Variants in TYW1 observed in about 807,000 individuals in gnomAD.
TYW1 encodes S-adenosyl-L-methionine-dependent tRNA 4-demethylwyosine synthase TYW1.
Under a neutral mutation model 96.2 loss-of-function variants are expected in TYW1, and 46 were observed. That is an observed-to-expected ratio of 0.48 (90% CI 0.38 to 0.61). TYW1 has a LOEUF of 0.61. Ranked by LOEUF, TYW1 falls within the 20% of genes least tolerant of loss-of-function variation. The pLI is 0.00. For missense variants in TYW1, 684 were observed against 909.6 expected (o/e 0.75, Z 3.19); for synonymous variants, 274 against 323.0 (o/e 0.85, Z 1.63).
intron 13 of TYW1, among the ~76,000 whole-genome samples, chr7:67,182,122 C>G (rs1799860978): frequency 1.3e-5 from 2 of 152,340 alleles, no homozygotes; most frequent in East Asian, 3.9e-4. Flanking sequence ...AGCCACCACA[C>G]CCGGCCTTAA....
At chr7:67,211,249 G>T (rs1180946771) in intron 15 of TYW1, among the ~76,000 whole-genome samples, 1 of 148,560 alleles carries the variant, frequency 6.7e-6, no homozygotes, top group Non-Finnish European at 1.5e-5. Flanking sequence ...ACACACAGAT[G>T]GTCCCAACTT....
chr7:67,126,368 A>G (rs889444274), intron 13 of TYW1, among the ~76,000 whole-genome samples: 5 of 151,816 alleles, frequency 3.3e-5, no homozygotes, highest in Admixed American at 2.0e-4. Flanking sequence ...AGTTCTTTGT[A>G]TATTTTGGAG....
chr7:67,103,520 T>C (rs1244415073), intron 12 of TYW1, among the ~76,000 whole-genome samples: 1 of 152,230 alleles, frequency 6.6e-6, no homozygotes, highest in Middle Eastern at 3.2e-3. Flanking sequence ...CCTTTACTTT[T>C]AAACTAATAC....
At chr7:67,227,696 T>C (rs11762301) in intron 15 of TYW1, among the ~76,000 whole-genome samples, 39,986 of 150,932 alleles carry the variant, frequency 0.26, 5,649 homozygotes, top group African/African-American at 0.36. Context: ...GTGACTGAGC[T>C]GCAGTAAAAT....
intron 12 of TYW1, among the ~76,000 whole-genome samples, chr7:67,102,971 T>A (rs1797134572): frequency 6.6e-6 from 1 of 152,216 alleles, no homozygotes; most frequent in African/African-American, 2.4e-5. Context: ...TTTTAAAGCA[T>A]CCTTGAAGCT....
chr7:67,102,115 C>G (rs1291334645), intron 12 of TYW1, among the ~76,000 whole-genome samples: 2 of 151,898 alleles, frequency 1.3e-5, no homozygotes, highest in African/African-American at 2.4e-5. Flanking sequence ...GCATATATCC[C>G]CCAAAAGAAT....
intron 7 of TYW1, among the ~76,000 whole-genome samples, chr7:67,045,229 G>C (rs1795150317): frequency 1.3e-5 from 2 of 151,658 alleles, no homozygotes; most frequent in South Asian, 4.2e-4. Flanking sequence ...TTTATTTTTA[G>C]AGACAGGGTC....
In TYW1 at chr7:67,025,004, T is replaced by A; in HGVS notation, c.966T>A (p.Asp322Glu). Residue 322 changes from aspartate (D) to glutamate (E), a missense_variant, in exon 7 of 16, where the codon GAT becomes GAA. Coordinates refer to ENST00000359626, the MANE Select transcript of TYW1 (RefSeq NM_018264.4). The part of the protein sequence containing the change: ...VDVEDLGKIM[D>E]HVKKEKREKE... Reference sequence around the variant, plus strand: ...TTGAAGATTTGGGCAAAATTATGGATCATGTGAAGAAAGAAAAGGTACCGT... The same window carrying A: ...TTGAAGATTTGGGCAAAATTATGGAACATGTGAAGAAAGAAAAGGTACCGT... The A allele has an allele frequency of 6.2e-7, 1 of 1,613,794 alleles. No homozygotes were observed. The highest frequency in any genetic ancestry group is 8.5e-7 in the Non-Finnish European group (1 of 1,179,816).
intron 1 of TYW1, among the ~76,000 whole-genome samples, chr7:66,997,235 A>G (rs2129234338): frequency 6.6e-6 from 1 of 152,208 alleles, no homozygotes; most frequent in African/African-American, 2.4e-5. Flanking sequence ...GGACTTTTGC[A>G]CCTGTAAAGC....
chr7:67,223,619 G>A (rs1801466736), intron 15 of TYW1, among the ~76,000 whole-genome samples: 1 of 150,292 alleles, frequency 6.7e-6, no homozygotes. Context: ...GAGGGGCTTG[G>A]CACCCTGACT....
chr7:67,002,222 A>C (rs746833344), intron 3 of TYW1, among the ~76,000 whole-genome samples: 7 of 151,484 alleles, frequency 4.6e-5, no homozygotes, highest in African/African-American at 1.7e-4. Flanking sequence ...TAATTAAAAA[A>C]ATTTTTTTTG....
Position 67,127,182 on chromosome 7 carries a change from C to T in TYW1, c.1698+9564C>T, listed in dbSNP as rs112372106. Among the ~76,000 whole-genome samples, 37 of 140,464 alleles carry T rather than the reference C, an allele frequency of 2.6e-4. No individual in the cohort carries two copies. The East Asian group carries it at 6.9e-3, about 26-fold the overall frequency. The allele number at this position is 140,464 out of a possible 152,430, so 92.1% of individuals were successfully genotyped here. On this transcript the variant is annotated intron_variant, in intron 13 of 15. Transcript: ENST00000359626. ...ATCTTTTTTTTTTTTTTTTCGAGAT[C>T]GAGTCTCACTCTGTCATCCAGGCTG...
chr7:67,159,541 G>A (rs1406858512), intron 13 of TYW1, among the ~76,000 whole-genome samples: 1 of 152,040 alleles, frequency 6.6e-6, no homozygotes, highest in Non-Finnish European at 1.5e-5. Context: ...TATAAAAAGT[G>A]TACAGCTGAC....
At chr7:67,222,909 A>C in intron 15 of TYW1, among the ~76,000 whole-genome samples, 1 of 115,036 alleles carries the variant, frequency 8.7e-6, no homozygotes, top group Non-Finnish European at 1.7e-5. Context: ...GATCATTTCC[A>C]TTGTCCTGTT....
At chr7:67,047,667 C>T (rs957284654) in intron 7 of TYW1, among the ~76,000 whole-genome samples, 9 of 147,306 alleles carry the variant, frequency 6.1e-5, no homozygotes, top group African/African-American at 2.2e-4. Flanking sequence ...TCATTTGGTA[C>T]ATTTGATTCT....
At chr7:67,165,764 CA>C (rs1014974352) in intron 13 of TYW1, among the ~76,000 whole-genome samples, 4 of 151,692 alleles carry the variant, frequency 2.6e-5, no homozygotes, top group African/African-American at 9.7e-5. Context: ...CTCGTCTCTA[CA>C]AAAAAATTAC....
At chr7:67,088,232 C>T (rs1214575282) in intron 11 of TYW1, among the ~76,000 whole-genome samples, 1 of 151,834 alleles carries the variant, frequency 6.6e-6, no homozygotes, top group African/African-American at 2.4e-5. Context: ...GCCTTGATGA[C>T]TATTTGTTTA....
intron 13 of TYW1, among the ~76,000 whole-genome samples, chr7:67,139,510 G>A (rs1352345220): frequency 6.6e-6 from 1 of 151,934 alleles, no homozygotes. Flanking sequence ...TATCTGCAGG[G>A]GATTGGTTCC....
At chr7:67,214,201 A>G (rs1679360111) in intron 15 of TYW1, among the ~76,000 whole-genome samples, 1 of 152,200 alleles carries the variant, frequency 6.6e-6, no homozygotes, top group South Asian at 2.1e-4. Context: ...TTTGTTTTCT[A>G]CATATATATA....
Sources: gnomAD v4.1 joint callset for allele counts (sites outside exome capture counted in the v4.1 genomes callset) on GRCh38, gnomAD v4.1.1 for gene constraint, MANE v1.5 for transcripts, NCBI Gene and HGNC (gene_info 2026-07-23, HGNC 2026-07-21) for gene names.